ARSB: variants seen among roughly 807,000 people sequenced by gnomAD.
The protein encoded by ARSB is arylsulfatase B.
Under a neutral mutation model 50.9 loss-of-function variants are expected in ARSB, and 41 were observed. That is an observed-to-expected ratio of 0.81 (90% CI 0.63 to 1.04). The LOEUF (loss-of-function observed/expected upper bound fraction) is 1.04. Among genes scored for constraint, ARSB ranks in the 50% least tolerant of loss-of-function variants. ARSB has a pLI of 0.00. For missense variants in ARSB, 672 were observed against 693.3 expected (o/e 0.97, Z 0.35); for synonymous variants, 269 against 284.8 (o/e 0.94, Z 0.56).
chr5:78,816,241 A>G (rs1743986524), intron 6 of ARSB: 1 of 1,563,966 alleles, frequency 6.4e-7, no homozygotes, highest in Non-Finnish European at 8.7e-7. Context: ...CCTAAAGGGC[A>G]AGGACTGTCT....
intron 6 of ARSB, among the ~76,000 whole-genome samples, chr5:78,812,704 A>C (rs1173908178): frequency 1.3e-5 from 2 of 151,940 alleles, no homozygotes; most frequent in Non-Finnish European, 2.9e-5. Context: ...GTTTAATAAT[A>C]ATTGATGGGC....
intron 5 of ARSB, among the ~76,000 whole-genome samples, chr5:78,863,170 T>A (rs942274278): frequency 2.6e-5 from 4 of 152,214 alleles, no homozygotes; most frequent in Admixed American, 6.5e-5. Flanking sequence ...GAGTGTAAAC[T>A]AGTTCAACCA....
At chr5:78,937,173 A>G (rs1198675931) in intron 4 of ARSB, among the ~76,000 whole-genome samples, 3 of 151,652 alleles carry the variant, frequency 2.0e-5, no homozygotes, top group Non-Finnish European at 4.4e-5. Flanking sequence ...GGAGTGCAAA[A>G]GATGAGATTA....
intron 6 of ARSB, among the ~76,000 whole-genome samples, chr5:78,789,362 A>G (rs1749177031): frequency 6.6e-6 from 1 of 152,254 alleles, no homozygotes; most frequent in African/African-American, 2.4e-5. Context: ...AGGAAAGTCC[A>G]TGGAAGACAG....
At chr5:78,784,744 C>G (rs1165493465) in intron 6 of ARSB, among the ~76,000 whole-genome samples, 1 of 148,192 alleles carries the variant, frequency 6.7e-6, no homozygotes, top group Non-Finnish European at 1.5e-5. Flanking sequence ...GCAATTCATG[C>G]TTTTCATTTT....
intron 1 of ARSB, among the ~76,000 whole-genome samples, chr5:78,980,191 T>C (rs776980384): frequency 3.3e-5 from 5 of 152,206 alleles, no homozygotes; most frequent in South Asian, 2.1e-4. Flanking sequence ...CAAAAAACCA[T>C]TGAATTGGAT....
intron 5 of ARSB, among the ~76,000 whole-genome samples, chr5:78,872,161 A>G (rs112745438): frequency 0.36 from 52,807 of 146,414 alleles, 10,018 homozygotes; most frequent in East Asian, 0.64. Flanking sequence ...AAAAGTCAGG[A>G]AACAACAGGT....
intron 1 of ARSB, among the ~76,000 whole-genome samples, chr5:78,978,473 C>T (rs1752759328): frequency 6.6e-6 from 1 of 152,010 alleles, no homozygotes; most frequent in Non-Finnish European, 1.5e-5. Flanking sequence ...CAAAATTCCA[C>T]TTCCCTTTTT....
At position 78,800,163 on chromosome 5, in the gene ARSB, CA is replaced by C. The variant is rs371538477; in HGVS notation, c.1214-18190del. Among the ~76,000 whole-genome samples the C allele has an allele frequency of 5.5e-3, 841 of 152,040 alleles. 3 individuals are homozygous for C. Among genetic ancestry groups the C allele is most frequent in the Non-Finnish European group, 8.2e-3 (556 of 67,952 alleles). On this transcript the variant is annotated intron_variant, in intron 6 of 7. Coordinates refer to ENST00000264914, the MANE Select transcript of ARSB (RefSeq NM_000046.5). ...TAAAACCCCATTTCTACTAAAAATA[CA>C]AAAATTAGCTGGGCGTGGTGGTGTG...
chr5:78,830,696 C>A (rs930143316), intron 6 of ARSB, among the ~76,000 whole-genome samples: 3 of 152,190 alleles, frequency 2.0e-5, no homozygotes, highest in Admixed American at 6.5e-5. Flanking sequence ...CATTTCCAAA[C>A]AGACTTTAGT....
intron 6 of ARSB, among the ~76,000 whole-genome samples, chr5:78,796,573 C>T (rs528902685): frequency 1.3e-5 from 2 of 152,216 alleles, no homozygotes; most frequent in Non-Finnish European, 2.9e-5. Flanking sequence ...CTAAGTGAGA[C>T]AATGCGTGCA....
intron 4 of ARSB, among the ~76,000 whole-genome samples, chr5:78,917,999 T>A (rs1749637582): frequency 6.6e-6 from 1 of 152,234 alleles, no homozygotes; most frequent in African/African-American, 2.4e-5. Flanking sequence ...ATCAGCATCA[T>A]GAGACAGGCT....
chr5:78,882,606 G>C (rs948989754), intron 5 of ARSB, among the ~76,000 whole-genome samples: 1 of 152,090 alleles, frequency 6.6e-6, no homozygotes, highest in Non-Finnish European at 1.5e-5. Flanking sequence ...GCGATTGAAT[G>C]TGCAGTGACT....
intron 6 of ARSB, among the ~76,000 whole-genome samples, chr5:78,827,182 T>C (rs1230987091): frequency 6.6e-6 from 1 of 152,194 alleles, no homozygotes; most frequent in Non-Finnish European, 1.5e-5. Flanking sequence ...ACCACTAAAC[T>C]AGTTATAAAT....
rs76846457 is a variant in ARSB, at chr5:78,804,366, G to A, written c.1214-22392C>T. Among the ~76,000 whole-genome samples, 218 of 152,274 alleles carry A rather than the reference G, an allele frequency of 1.4e-3. 1 individual carries two copies. Among genetic ancestry groups the A allele is most frequent in the South Asian group, 6.4e-3 (31 of 4,824 alleles). ...CCGAACCACCCTATCACTGAGGTTA[G>A]AGGACTTACTTGGTCAATGTCATCA... On this transcript the variant is annotated intron_variant, in intron 6 of 7. Coordinates refer to ENST00000264914, the MANE Select transcript of ARSB (RefSeq NM_000046.5).
intron 5 of ARSB, among the ~76,000 whole-genome samples, chr5:78,855,890 C>T (rs3114496): frequency 0.26 from 39,883 of 152,128 alleles, 7,002 homozygotes; most frequent in African/African-American, 0.5. Context: ...TTCCCATTCT[C>T]TATGTGGCCA....
chr5:78,793,086 G>A (rs1743034658), intron 6 of ARSB, among the ~76,000 whole-genome samples: 1 of 148,482 alleles, frequency 6.7e-6, no homozygotes, highest in African/African-American at 2.6e-5. Flanking sequence ...GGTTCCCTTA[G>A]TCTAGCCCAG....
Position 78,801,231 on chromosome 5 carries a change from CT to C in ARSB, c.1214-19258del, listed in dbSNP as rs557172528. 3.5e-3 allele frequency among the ~76,000 whole-genome samples: 533 copies of C among 152,264 alleles called. 5 individuals are homozygous for C. The highest frequency in any genetic ancestry group is 5.3e-3 in the Non-Finnish European group (363 of 68,012). ...ATGACCTGATAGTACAAAAAAGTTG[CT>C]CTATACAACAGCCAGGAATAACTCT... On this transcript the variant is annotated intron_variant, in intron 6 of 7. Coordinates refer to ENST00000264914, the MANE Select transcript of ARSB (RefSeq NM_000046.5).
chr5:78,880,192 T>C (rs1019482870), intron 5 of ARSB, among the ~76,000 whole-genome samples: 1 of 152,174 alleles, frequency 6.6e-6, no homozygotes, highest in Non-Finnish European at 1.5e-5. Flanking sequence ...TTTCCCAATT[T>C]CTCTGCAGTC....
Sources: gnomAD v4.1 joint callset for allele counts (sites outside exome capture counted in the v4.1 genomes callset) on GRCh38, gnomAD v4.1.1 for gene constraint, MANE v1.5 for transcripts, NCBI Gene and HGNC (gene_info 2026-07-23, HGNC 2026-07-21) for gene names.